Variants in SORBS2 observed in about 807,000 individuals in gnomAD.
The protein encoded by SORBS2 is sorbin and SH3 domain-containing protein 2.
A neutral mutation model predicts 97.7 loss-of-function variants in SORBS2; 46 were observed. The ratio of observed to expected loss-of-function variants is 0.47; its 90% CI spans 0.37 to 0.60. SORBS2 has a LOEUF of 0.60. Ranked by LOEUF, SORBS2 falls within the 20% of genes least tolerant of loss-of-function variation. The probability of loss-of-function intolerance (pLI) is 0.00; values close to 1 mark genes in which losing one functional copy is unlikely to be tolerated. For missense variants in SORBS2, 1,316 were observed against 1,282.3 expected (o/e 1.03, Z -0.40); for synonymous variants, 476 against 473.4 (o/e 1.01, Z -0.07).
At position 185,684,974 on chromosome 4, in the gene SORBS2, A is replaced by T. The variant is rs2097927538; in HGVS notation, c.-197-6152T>A. 2 of 687,942 alleles carry T rather than the reference A, an allele frequency of 2.9e-6. No individual in the cohort carries two copies. The highest frequency in any genetic ancestry group is 5.6e-5 in the Admixed American group (2 of 35,674). 42.6% of individuals were successfully genotyped at this position (687,942 alleles called of 1,614,324 possible). A position where few individuals can be genotyped will look rare whatever the true frequency, so the allele number is the denominator to read the frequency against. On this transcript the variant is annotated intron_variant, in intron 2 of 20. Coordinates refer to the SORBS2 transcript ENST00000284776. This position sits in a 1 kb window ranked among gnomAD's most constrained non-coding sequence, Gnocchi z 4.2. ...GAACAGTTAGAATTAGTAATCATGG[A>T]ATGCACCTGCCAATTTCACACCACC...
At chr4:185,861,186 A>C (rs7696225) in intron 1 of SORBS2, among the ~76,000 whole-genome samples, 35,109 of 151,906 alleles carry the variant, frequency 0.23, 4,550 homozygotes, top group Middle Eastern at 0.34. Flanking sequence ...TGAACTCCAA[A>C]GGTAGGAGGG....
intron 2 of SORBS2, among the ~76,000 whole-genome samples, chr4:185,686,068 C>G (rs1300446129): frequency 1.3e-5 from 2 of 152,102 alleles, no homozygotes; most frequent in Non-Finnish European, 2.9e-5. Context: ...TGCTCATTCT[C>G]CTCATTCTGC....
intron 1 of SORBS2, among the ~76,000 whole-genome samples, chr4:185,857,794 G>A (rs2099221409): frequency 6.6e-6 from 1 of 152,208 alleles, no homozygotes; most frequent in East Asian, 1.9e-4. Flanking sequence ...GTGCCCTCAG[G>A]CCTACTAGGA....
chr4:185,935,953 G>A (rs1294345398), intron 1 of SORBS2, among the ~76,000 whole-genome samples: 10 of 152,216 alleles, frequency 6.6e-5, no homozygotes, highest in African/African-American at 2.2e-4. Flanking sequence ...CCAGGCTCAA[G>A]TGATTCTCCT....
exon 15 of SORBS2, chr4:185,586,244 A>G (rs1278502841): frequency 6.6e-6 from 1 of 152,658 alleles, no homozygotes; most frequent in Non-Finnish European, 1.5e-5. Context: ...AAGAAATACA[A>G]AGCTAGTTTT....
At chr4:185,758,553 G>A (rs958453153) in intron 2 of SORBS2, among the ~76,000 whole-genome samples, 9 of 152,080 alleles carry the variant, frequency 5.9e-5, no homozygotes, top group African/African-American at 2.2e-4. Context: ...AAACACCATG[G>A]AGACCCAGCC....
intron 2 of SORBS2, among the ~76,000 whole-genome samples, chr4:185,748,956 A>T (rs2098781753): frequency 6.6e-6 from 1 of 152,204 alleles, no homozygotes; most frequent in Non-Finnish European, 1.5e-5. Flanking sequence ...GGAAGAATGC[A>T]GGAGAGCCCC....
chr4:185,863,830 T>A (rs1027269481), intron 1 of SORBS2, among the ~76,000 whole-genome samples: 4 of 152,340 alleles, frequency 2.6e-5, no homozygotes, highest in African/African-American at 9.6e-5. Flanking sequence ...CTCTTCATTA[T>A]AAGCCTTTAA....
chr4:185,725,150 A>C (rs1288186000), intron 2 of SORBS2, among the ~76,000 whole-genome samples: 1 of 152,162 alleles, frequency 6.6e-6, no homozygotes. Flanking sequence ...TCTATTTTTG[A>C]GCATTTCTCC....
At chr4:185,798,255 T>C (rs1483315854) in intron 1 of SORBS2, among the ~76,000 whole-genome samples, 1 of 152,224 alleles carries the variant, frequency 6.6e-6, no homozygotes, top group East Asian at 1.9e-4. Context: ...TCTTAATCCT[T>C]ATTTATTTTT....
At chr4:185,733,232 G>A (rs1299010557) in intron 2 of SORBS2, among the ~76,000 whole-genome samples, 17 of 152,256 alleles carry the variant, frequency 1.1e-4, no homozygotes, top group Admixed American at 1.1e-3. Context: ...CTACTTGAAG[G>A]GGTAAGAGAG....
rs141148626 is a variant in SORBS2 at position 185,618,061 on chromosome 4, A to G, written c.2351+524T>C. On this transcript the variant is annotated intron_variant, in intron 9 of 14. Coordinates refer to ENST00000418609, the Ensembl canonical transcript of SORBS2. ...GCAACCTCAGCTTATGGCAGCGTCT[A>G]CCTCCCGGTGAAGCGATCCTTTTGC... Among the ~76,000 whole-genome samples, 685 of 151,972 alleles carry G rather than the reference A, an allele frequency of 4.5e-3. 4 individuals are homozygous for G. The highest frequency in any genetic ancestry group is 0.013 in the African/African-American group (549 of 41,444).
chr4:185,672,411 G>A (rs1424131261), intron 4 of SORBS2, among the ~76,000 whole-genome samples: 1 of 152,194 alleles, frequency 6.6e-6, no homozygotes, highest in Non-Finnish European at 1.5e-5. Flanking sequence ...AACTGTTTGG[G>A]GGTGTAGCTT....
At chr4:185,614,453 G>T (rs1033569573) in intron 11 of SORBS2, among the ~76,000 whole-genome samples, 1 of 152,024 alleles carries the variant, frequency 6.6e-6, no homozygotes, top group Non-Finnish European at 1.5e-5. Flanking sequence ...GGAAGATAAG[G>T]ATTGGAATAT....
intron 1 of SORBS2, among the ~76,000 whole-genome samples, chr4:185,943,026 T>C (rs962583511): frequency 6.6e-6 from 1 of 152,358 alleles, no homozygotes; most frequent in Admixed American, 6.5e-5. Context: ...TTTGATATCA[T>C]CTATATTTTC....
chr4:185,833,815 A>T (rs181786129), intron 1 of SORBS2, among the ~76,000 whole-genome samples: 2 of 152,334 alleles, frequency 1.3e-5, no homozygotes, highest in East Asian at 3.9e-4. Flanking sequence ...ATAAAATGCA[A>T]CACTACAATC....
At chr4:185,655,735 C>T (rs1229731421) in intron 1 of SORBS2, among the ~76,000 whole-genome samples, 1 of 152,186 alleles carries the variant, frequency 6.6e-6, no homozygotes, top group Non-Finnish European at 1.5e-5. Flanking sequence ...TTTTCATCAA[C>T]CATCTCTAGC....
chr4:185,792,268 A>G (rs191853863), intron 1 of SORBS2, among the ~76,000 whole-genome samples: 68 of 152,252 alleles, frequency 4.5e-4, no homozygotes, highest in African/African-American at 1.3e-3. Context: ...CCAAGATGGG[A>G]GGATCACCTG....
rs34469356 is a variant in SORBS2 at position 185,864,911 on chromosome 4, C to CAAAAAAAA, written c.-337-89553_-337-89546dup. 3.9e-3 allele frequency among the ~76,000 whole-genome samples: 552 copies of CAAAAAAAA among 140,804 alleles called. 5 individuals carry two copies. The highest frequency in any genetic ancestry group is 0.014 in the African/African-American group (521 of 37,508). The allele number at this position is 140,804 out of a possible 152,430, so 92.4% of individuals were successfully genotyped here. A position where few individuals can be genotyped will look rare whatever the true frequency, so the allele number is the denominator to read the frequency against. The stretch of plus-strand genomic sequence containing the variant: ...TGGGCGATAGAGTGAGACTCTGTCT[C>CAAAAAAAA]AAAAAAAAAAGAAAAAGAAAAGCAT... On this transcript the variant is annotated intron_variant, in intron 1 of 20. Transcript: ENST00000284776.
Sources: gnomAD v4.1 joint callset for allele counts (sites outside exome capture counted in the v4.1 genomes callset) on GRCh38, gnomAD v4.1.1 for gene constraint, Gnocchi (gnomAD v3.1) non-coding constraint, MANE v1.5 for transcripts, NCBI Gene and HGNC (gene_info 2026-07-23, HGNC 2026-07-21) for gene names.